Variants in LINGO3 observed in about 807,000 individuals in gnomAD.
LINGO3 encodes leucine rich repeat and Ig domain containing 3.
For missense variants in LINGO3, 750 were observed against 867.7 expected (o/e 0.86, Z 1.70); for synonymous variants, 427 against 444.2 (o/e 0.96, Z 0.49).
chr19:2,298,074 A>T, the LINGO3 span, among the ~76,000 whole-genome samples: 1 of 140,156 alleles, frequency 7.1e-6, no homozygotes, highest in African/African-American at 2.7e-5. Context: ...TTTTTAGTAG[A>T]GATGGGGTTT....
At chr19:2,298,926 G>A in the LINGO3 span, among the ~76,000 whole-genome samples, 31 of 152,134 alleles carry the variant, frequency 2.0e-4, no homozygotes, top group Non-Finnish European at 3.8e-4. Context: ...GTCTGGAATC[G>A]CTAGGTCACA....
chr19:2,295,460 C>T (rs541528159), upstream of LINGO3, among the ~76,000 whole-genome samples: 6 of 152,206 alleles, frequency 3.9e-5, no homozygotes, highest in East Asian at 5.8e-4. Flanking sequence ...TCTTGCCCGG[C>T]GCGGTGGCTC....
At chr19:2,296,755 G>A (rs926728258), upstream of LINGO3, among the ~76,000 whole-genome samples, 1 of 151,418 alleles carries the variant, frequency 6.6e-6, no homozygotes, top group African/African-American at 2.4e-5. Context: ...GGGATTACAG[G>A]TGTGAGCCAC....
the LINGO3 span, among the ~76,000 whole-genome samples, chr19:2,306,364 G>A: frequency 6.6e-6 from 1 of 152,046 alleles, no homozygotes; most frequent in African/African-American, 2.4e-5. Flanking sequence ...GCGGCTTGAT[G>A]GGGCCCACCC....
rs748522630 is a variant in LINGO3, at chr19:2,290,139, G to A, written c.1638C>T (p.Phe546=). The change falls in exon 1 of 1, where the codon TTC becomes TTT. Residue 546 remains phenylalanine (F), a synonymous_variant. Transcript: ENST00000585527. This position sits in a 1 kb window ranked among gnomAD's most constrained non-coding sequence, Gnocchi z 6.0. ...CGCGGCTCCACACGAACAGCAGCAC[G>A]AAGCAGAAGAGGACCACGCCCAGGA... 4 of 1,612,384 alleles carry A rather than the reference G, an allele frequency of 2.5e-6. No individual in the cohort carries two copies. Among genetic ancestry groups the A allele is most frequent in the Admixed American group, 1.7e-5 (1 of 59,932 alleles).
chr19:2,289,659 C>T (rs2025498435), downstream of LINGO3: 1 of 282,278 alleles, frequency 3.5e-6, no homozygotes, highest in East Asian at 8.1e-5. Flanking sequence ...AATTGCGGGC[C>T]CTGAGGATCC....
chr19:2,305,275 C>T, the LINGO3 span, among the ~76,000 whole-genome samples: 1 of 152,146 alleles, frequency 6.6e-6, no homozygotes, highest in Non-Finnish European at 1.5e-5. Flanking sequence ...TGAGGACCCC[C>T]TCCCCAAAAC....
the LINGO3 span, among the ~76,000 whole-genome samples, chr19:2,307,737 G>A: frequency 6.6e-6 from 1 of 152,008 alleles, no homozygotes; most frequent in Non-Finnish European, 1.5e-5. Flanking sequence ...CCACACCCCA[G>A]ACCCAACCAG....
chr19:2,291,578 G>A lies in LINGO3; in HGVS notation c.199C>T (p.Arg67Cys), dbSNP rs529083265. 18 of 1,566,586 alleles carry A rather than the reference G, an allele frequency of 1.1e-5. No individual in the cohort carries two copies. In the East Asian group the frequency reaches 3.8e-4, roughly 33 times the overall value. ...GCCAGGTCGCCCGGGTTCAGGCAGC[G>A]GATGCGGTTGCGGCTGAGCTCCAGC... Residue 67 changes from arginine to cysteine, a missense_variant, in exon 1 of 1, where the codon CGC becomes TGC. Arg to Cys is a radical substitution (Grantham distance 180, BLOSUM62 -3). Coordinates refer to ENST00000585527, the Ensembl canonical transcript of LINGO3.
At chr19:2,306,972 C>A in the LINGO3 span, among the ~76,000 whole-genome samples, 1 of 152,138 alleles carries the variant, frequency 6.6e-6, no homozygotes, top group Non-Finnish European at 1.5e-5. Context: ...CCTCCCTGAA[C>A]CTGTTTCCAG....
downstream of LINGO3, among the ~76,000 whole-genome samples, chr19:2,287,224 TG>T (rs938000382): frequency 1.3e-4 from 20 of 150,030 alleles, 1 homozygote; most frequent in East Asian, 2.0e-3. The surrounding 1 kb of genome is among the most constrained non-coding windows in gnomAD (Gnocchi z 4.5). Flanking sequence ...GGATGAGGGG[TG>T]GGGGTGCTGA....
At chr19:2,293,492 TG>T (rs2145089710), upstream of LINGO3, among the ~76,000 whole-genome samples, 1 of 151,994 alleles carries the variant, frequency 6.6e-6, no homozygotes, top group East Asian at 2.0e-4. Context: ...CCTGAGTAGC[TG>T]GGACTACAGG....
At chr19:2,289,198 T>C (rs941111977), downstream of LINGO3, among the ~76,000 whole-genome samples, 11 of 150,212 alleles carry the variant, frequency 7.3e-5, no homozygotes, top group Admixed American at 6.6e-4. Context: ...GAGCTGTGTG[T>C]CCCGGGTGTG....
chr19:2,295,685 G>A (rs1021286139), upstream of LINGO3, among the ~76,000 whole-genome samples: 3 of 152,164 alleles, frequency 2.0e-5, no homozygotes, highest in African/African-American at 4.8e-5. Flanking sequence ...GCAGTGAGCC[G>A]AGATTGTGCC....
upstream of LINGO3, among the ~76,000 whole-genome samples, chr19:2,296,898 C>T (rs960847379): frequency 1.1e-4 from 16 of 150,902 alleles, no homozygotes; most frequent in Non-Finnish European, 2.4e-4. Flanking sequence ...ACCATCCTGG[C>T]TAACATGGTG....
exon 1 of LINGO3, chr19:2,289,876 G>C: frequency 1.3e-6 from 1 of 779,460 alleles, no homozygotes; most frequent in Non-Finnish European, 2.0e-6. Context: ...TACAAAAAAA[G>C]GGGAAGTTCT....
chr19:2,297,453 C>T, the LINGO3 span, among the ~76,000 whole-genome samples: 14 of 151,702 alleles, frequency 9.2e-5, no homozygotes, highest in African/African-American at 1.2e-4. Context: ...TACAGGTGCC[C>T]GCCACCACGC....
At chr19:2,303,496 C>T in the LINGO3 span, among the ~76,000 whole-genome samples, 6 of 151,588 alleles carry the variant, frequency 4.0e-5, no homozygotes, top group East Asian at 3.9e-4. Flanking sequence ...GGTGTGTCTG[C>T]GCTTGCGGGG....
the LINGO3 span, among the ~76,000 whole-genome samples, chr19:2,300,811 C>A: frequency 6.6e-6 from 1 of 152,178 alleles, no homozygotes; most frequent in Non-Finnish European, 1.5e-5. Context: ...GTGTCCCCAG[C>A]TGCCAAATGG....
Sources: gnomAD v4.1 joint callset for allele counts (sites outside exome capture counted in the v4.1 genomes callset) on GRCh38, gnomAD v4.1.1 for gene constraint, Gnocchi (gnomAD v3.1) non-coding constraint, MANE v1.5 for transcripts, NCBI Gene and HGNC (gene_info 2026-07-23, HGNC 2026-07-21) for gene names.